ZFHX4: variants seen among roughly 807,000 people sequenced by gnomAD.
ZFHX4 encodes the protein zinc finger homeobox 4.
A neutral mutation model predicts 267.6 loss-of-function variants in ZFHX4; 56 were observed. The observed-to-expected ratio is 0.21, with a 90% confidence interval of 0.17 to 0.26. The LOEUF (loss-of-function observed/expected upper bound fraction) is 0.26, where lower values mean the gene tolerates loss of function less well. ZFHX4 is among the 10% of genes least tolerant of loss of function. ZFHX4 has a pLI of 1.00. For synonymous variants in ZFHX4, 1,778 were observed against 1,665.6 expected (o/e 1.07, Z -1.64); for missense variants, 4,332 against 4,420.0 (o/e 0.98, Z 0.56).
Position 76,706,580 on chromosome 8 carries a change from T to C in ZFHX4, c.2492T>C (p.Leu831Pro), listed in dbSNP as rs1017941003. The change falls in exon 2 of 11, where the codon CTG (leucine) becomes CCG (proline). Residue 831 changes from leucine to proline, a missense_variant. This residue lies in a region of ZFHX4 where 1,195 missense variants were observed against 1,173.6 expected (regional missense o/e 1.02). Coordinates refer to ENST00000651372, the MANE Select transcript of ZFHX4 (RefSeq NM_024721.5). ...YQYYLAQNIG[L>P]TGMKLENPAD... Reference sequence around the variant, plus strand: ...TACTACCTAGCCCAGAACATAGGCCTGACCGGAATGAAGCTGGAAAACCCT... The same window carrying C: ...TACTACCTAGCCCAGAACATAGGCCCGACCGGAATGAAGCTGGAAAACCCT... 1.4e-5 allele frequency: 23 copies of C among 1,610,912 alleles called. No homozygotes were observed. Among genetic ancestry groups the C allele is most frequent in the Non-Finnish European group, 2.0e-5 (23 of 1,178,844 alleles).
chr8:76,732,406 T>A (rs1382872123), intron 3 of ZFHX4, among the ~76,000 whole-genome samples: 1 of 152,026 alleles, frequency 6.6e-6, no homozygotes, highest in Non-Finnish European at 1.5e-5. Flanking sequence ...AGTTGTTAAA[T>A]TATTAATATT....
In ZFHX4 at chr8:76,855,324, T is replaced by TAAATA; in HGVS notation, c.8403_8404insAAATA (p.Glu2802LysfsTer2). 1 of 1,613,668 alleles carries TAAATA rather than the reference T, an allele frequency of 6.2e-7. No individual in the cohort carries two copies. Among genetic ancestry groups the TAAATA allele is most frequent in the Middle Eastern group, 1.7e-4 (1 of 6,060 alleles). On this transcript the variant is annotated frameshift_variant, in exon 10 of 11. Transcript: ENST00000651372. LOFTEE classifies it high-confidence loss of function. Reference sequence around the variant, plus strand: ...ATGATCAAAATAAAACCGATTTTGATGAGACTTCATCGATTAATACGGCAA... The same window carrying TAAATA: ...ATGATCAAAATAAAACCGATTTTGATAAATAGAGACTTCATCGATTAATACGGCAA...
rs564259732 is a variant in ZFHX4, at chr8:76,866,469, T to G, written c.*1904T>G. 4 of 152,612 alleles carry G rather than the reference T, an allele frequency of 2.6e-5. No individual in the cohort carries two copies. The East Asian group carries it at 5.8e-4, about 22-fold the overall frequency. The allele number at this position is 152,612 out of a possible 1,614,324, so 9.5% of individuals were successfully genotyped here. ...AATGTCTTTAATTTGGATTTTTTTT[T>G]TTTTTAGTATTTTAACATTTATTTT... On this transcript the variant is annotated 3_prime_UTR_variant, in exon 11 of 11. Transcript: ENST00000651372.
At chr8:76,800,520 A>G (rs998692032) in intron 4 of ZFHX4, among the ~76,000 whole-genome samples, 6 of 152,186 alleles carry the variant, frequency 3.9e-5, no homozygotes, top group African/African-American at 1.4e-4. Flanking sequence ...CGTGGCAGCC[A>G]TGGTAGAAGG....
intron 3 of ZFHX4, among the ~76,000 whole-genome samples, chr8:76,775,230 C>A (rs898234358): frequency 6.6e-6 from 1 of 152,120 alleles, no homozygotes; most frequent in African/African-American, 2.4e-5. Context: ...TACTCCAAAC[C>A]ACTAATGAGA....
chr8:76,686,479 A>T (rs1187542584), intron 1 of ZFHX4, among the ~76,000 whole-genome samples: 2 of 152,220 alleles, frequency 1.3e-5, no homozygotes, highest in African/African-American at 4.8e-5. Flanking sequence ...AATCTCAATA[A>T]AATTAATCTT....
At chr8:76,860,457 A>G (rs1195986165) in intron 10 of ZFHX4, among the ~76,000 whole-genome samples, 2 of 152,084 alleles carry the variant, frequency 1.3e-5, no homozygotes, top group Admixed American at 6.6e-5. Flanking sequence ...CTATTGCTCC[A>G]TCTTGCTTTC....
In ZFHX4 at chr8:76,720,899, C is replaced by G. The variant is rs144163993; in HGVS notation, c.3093+12851C>G. 1.5e-3 allele frequency among the ~76,000 whole-genome samples: 234 copies of G among 152,240 alleles called. 1 individual carries two copies. The highest frequency in any genetic ancestry group is 4.6e-3 in the African/African-American group (193 of 41,540). The stretch of plus-strand genomic sequence containing the variant: ...TCTTAATTTATATAAGGTCACATAG[C>G]TAGTAGTAACAGTGATAACTCAGTC... On this transcript the variant is annotated intron_variant, in intron 3 of 10. Transcript: ENST00000651372.
At position 76,833,321 on chromosome 8, in the gene ZFHX4, T is replaced by C. The variant is rs1314372304; in HGVS notation, c.3326-17T>C. 2 of 1,607,090 alleles carry C rather than the reference T, an allele frequency of 1.2e-6. No individual in the cohort carries two copies. The highest frequency in any genetic ancestry group is 2.7e-5 in the African/African-American group (2 of 74,780). On this transcript the variant is annotated splice_polypyrimidine_tract_variant and intron_variant, in intron 4 of 10. Transcript: ENST00000651372. The stretch of plus-strand genomic sequence containing the variant: ...ATATGGCATGCTGATTACCTTTCAC[T>C]CTGATGTCTTCTGCAGAAACTGCCT...
At chr8:76,844,595 C>T (rs947314320) in intron 6 of ZFHX4, among the ~76,000 whole-genome samples, 1 of 152,106 alleles carries the variant, frequency 6.6e-6, no homozygotes, top group African/African-American at 2.4e-5. Flanking sequence ...CCCTAATGGG[C>T]TGATGAATTA....
chr8:76,819,571 G>A (rs918092870), intron 4 of ZFHX4, among the ~76,000 whole-genome samples: 7 of 152,112 alleles, frequency 4.6e-5, no homozygotes. Flanking sequence ...AGAACAATGG[G>A]CAGAAGTTCA....
intron 3 of ZFHX4, among the ~76,000 whole-genome samples, chr8:76,714,972 C>T (rs1195859863): frequency 6.6e-6 from 1 of 152,132 alleles, no homozygotes; most frequent in African/African-American, 2.4e-5. Flanking sequence ...TGTGAGTGGT[C>T]TTTTGAGTCA....
chr8:76,853,119 G>C lies in ZFHX4; in HGVS notation c.6198G>C (p.Gln2066His). 1 of 1,350,978 alleles carries C rather than the reference G, an allele frequency of 7.4e-7. No individual in the cohort carries two copies. The highest frequency in any genetic ancestry group is 1.2e-5 in the South Asian group (1 of 81,000). The allele number at this position is 1,350,978 out of a possible 1,614,324, so 83.7% of individuals were successfully genotyped here. A position where few individuals can be genotyped will look rare whatever the true frequency, so the allele number is the denominator to read the frequency against. Reference sequence around the variant, plus strand: ...CTCCTCCACCTTCTGCTCCTCCACAGGTCCAACTGCCGGTTTCTCTGGACC... The same window carrying C: ...CTCCTCCACCTTCTGCTCCTCCACACGTCCAACTGCCGGTTTCTCTGGACC... ...PPPPPPSAPP[Q>H]VQLPVSLDLP... The change falls in exon 10 of 11, where the codon CAG (glutamine) becomes CAC (histidine). Residue 2066 changes from glutamine (Q) to histidine (H), a missense_variant. By Grantham distance (24) the Gln-to-His change is conservative (BLOSUM62 0). Coordinates refer to ENST00000651372, the MANE Select transcript of ZFHX4 (RefSeq NM_024721.5).
At chr8:76,755,725 ATTAG>A (rs1051278026) in intron 3 of ZFHX4, among the ~76,000 whole-genome samples, 6 of 152,132 alleles carry the variant, frequency 3.9e-5, no homozygotes, top group Non-Finnish European at 4.4e-5. Context: ...CTTTTTCATT[ATTAG>A]TTAGTTGTAT....
chr8:76,840,459 C>T (rs886344314), intron 5 of ZFHX4, among the ~76,000 whole-genome samples: 11 of 152,206 alleles, frequency 7.2e-5, no homozygotes, highest in African/African-American at 2.7e-4. Context: ...GGGAATTTCT[C>T]TCACACTTAA....
At chr8:76,717,107 TC>T (rs1196560776) in intron 3 of ZFHX4, among the ~76,000 whole-genome samples, 1 of 152,196 alleles carries the variant, frequency 6.6e-6, no homozygotes, top group East Asian at 1.9e-4. Context: ...TTTCTCCTTC[TC>T]CTGGTTTCCT....
At chr8:76,835,014 A>C (rs535775163) in intron 5 of ZFHX4, among the ~76,000 whole-genome samples, 1 of 150,770 alleles carries the variant, frequency 6.6e-6, no homozygotes, top group East Asian at 1.9e-4. Flanking sequence ...TCTGCTAATA[A>C]TTTTTCACAT....
chr8:76,800,503 C>T (rs1811091771), intron 4 of ZFHX4, among the ~76,000 whole-genome samples: 1 of 152,194 alleles, frequency 6.6e-6, no homozygotes, highest in Admixed American at 6.5e-5. Flanking sequence ...TCCTCACTCT[C>T]TCTGCCCGTG....
intron 3 of ZFHX4, among the ~76,000 whole-genome samples, chr8:76,746,432 T>A (rs1381533981): frequency 6.6e-6 from 1 of 152,088 alleles, no homozygotes; most frequent in Non-Finnish European, 1.5e-5. Flanking sequence ...AAACAAGAAA[T>A]ATTTTTTTCT....
Sources: allele counts gnomAD v4.1 joint callset (sites outside exome capture counted in the v4.1 genomes callset), GRCh38; gene constraint gnomAD v4.1.1; regional missense constraint gnomAD v4.1.1; transcripts MANE v1.5; gene names NCBI Gene and HGNC (gene_info 2026-07-23, HGNC 2026-07-21).